MAU2: variants seen among roughly 807,000 people sequenced by gnomAD.
MAU2 encodes MAU2 sister chromatid cohesion factor, also known as MAU2 chromatid cohesion factor homolog.
In MAU2, 9 loss-of-function variants were observed where a neutral mutation model predicts 89.1. The observed-to-expected ratio is 0.10, with a 90% CI of 0.06 to 0.18. MAU2 has a LOEUF of 0.18. Among genes scored for constraint, MAU2 ranks in the 10% least tolerant of loss-of-function variants. MAU2 has a pLI of 1.00. For missense variants in MAU2, 425 were observed against 803.5 expected (o/e 0.53, Z 5.69); for synonymous variants, 357 against 343.4 (o/e 1.04, Z -0.44).
At chr19:19,341,138 C>A in intron 6 of MAU2, 114 bp from the exon 7 acceptor site, 1 of 1,309,482 alleles carries the variant, frequency 7.6e-7, no homozygotes, top group Non-Finnish European at 1.0e-6. Flanking sequence ...CTGGCCTTGC[C>A]CTCTGGATTG....
Position 19,324,081 on chromosome 19 carries a change from G to A in MAU2, c.276+2946G>A, listed in dbSNP as rs149372882. 3.9e-5 allele frequency among the ~76,000 whole-genome samples: 6 copies of A among 152,304 alleles called. No individual in the cohort carries two copies. The East Asian group carries it at 7.7e-4, about 20-fold the overall frequency. On this transcript the variant is annotated intron_variant, in intron 1 of 18. Coordinates refer to ENST00000262815, the MANE Select transcript of MAU2 (RefSeq NM_015329.4). ...AATGGCTAAAACAGTTTCTGCCCACGTAAGCCTAGGTTTTCATGAGGAAGA... is the reference window on the plus strand; with the variant it reads ...AATGGCTAAAACAGTTTCTGCCCACATAAGCCTAGGTTTTCATGAGGAAGA...
At chr19:19,344,731 C>G in intron 10 of MAU2, 118 bp from the exon 11 acceptor site, 1 of 759,742 alleles carries the variant, frequency 1.3e-6, no homozygotes, top group South Asian at 1.5e-5. Context: ...GGCTTTGTAC[C>G]CCAGTTTGGT....
intron 1 of MAU2, among the ~76,000 whole-genome samples, chr19:19,322,174 T>C (rs1426431414): frequency 6.6e-6 from 1 of 152,050 alleles, no homozygotes; most frequent in Non-Finnish European, 1.5e-5. Flanking sequence ...ATTTTTTGTA[T>C]TTTTTAGTAG....
chr19:19,354,346 G>C lies in MAU2; in HGVS notation c.1549-9G>C, dbSNP rs750090901. On this transcript the variant is annotated splice_polypyrimidine_tract_variant and intron_variant, in intron 16 of 18. Coordinates refer to ENST00000262815, the MANE Select transcript of MAU2 (RefSeq NM_015329.4). ...CTCCTCACTCCCCCTTGCTGCTCTT[G>C]GTTGACAGGAGAGTAACAACATGGT... is the stretch of plus-strand genomic sequence containing the variant. 1 of 1,612,150 alleles carries C rather than the reference G, an allele frequency of 6.2e-7. No homozygotes were observed. Among genetic ancestry groups the C allele is most frequent in the Non-Finnish European group, 8.5e-7 (1 of 1,178,316 alleles).
intron 1 of MAU2, chr19:19,334,099 C>A: frequency 2.2e-6 from 2 of 909,038 alleles, no homozygotes; most frequent in Non-Finnish European, 1.3e-6. Flanking sequence ...TGGGATGCAG[C>A]AGCTTCTGTG....
intron 4 of MAU2, among the ~76,000 whole-genome samples, 167 bp downstream of exon 4, chr19:19,337,432 C>T (rs1305575165): frequency 1.3e-5 from 2 of 152,238 alleles, no homozygotes; most frequent in Non-Finnish European, 2.9e-5. Context: ...GCACACAAGC[C>T]CCTTTCAGCC....
chr19:19,349,900 T>C (rs2061727953), intron 16 of MAU2, among the ~76,000 whole-genome samples: 1 of 151,810 alleles, frequency 6.6e-6, no homozygotes, highest in Non-Finnish European at 1.5e-5. Flanking sequence ...AGCCAGTCTC[T>C]GGTGGGACTG....
intron 16 of MAU2, among the ~76,000 whole-genome samples, chr19:19,350,696 C>T (rs531621087): frequency 2.0e-4 from 31 of 151,314 alleles, no homozygotes; most frequent in Admixed American, 5.3e-4. Flanking sequence ...GTCAGGAGAT[C>T]GAGACCATCC....
chr19:19,349,556 C>G, intron 16 of MAU2, 120 bp downstream of exon 16: 1 of 836,372 alleles, frequency 1.2e-6, no homozygotes, highest in Non-Finnish European at 1.9e-6. Flanking sequence ...TCGAAGAGCA[C>G]GTCTAGGTGG....
chr19:19,332,828 G>A (rs1206753434), intron 1 of MAU2, among the ~76,000 whole-genome samples: 1 of 152,202 alleles, frequency 6.6e-6, no homozygotes, highest in Non-Finnish European at 1.5e-5. Flanking sequence ...TGTAATCCCA[G>A]CACTTCGGGA....
intron 1 of MAU2, among the ~76,000 whole-genome samples, chr19:19,329,826 C>T (rs2061540425): frequency 6.6e-6 from 1 of 151,612 alleles, no homozygotes; most frequent in South Asian, 2.1e-4. Context: ...ATTAGCCACA[C>T]ATGCCTATAG....
chr19:19,342,751 C>A (rs2301669), intron 8 of MAU2, 25 bp from the exon 9 acceptor site: 1,020,406 of 1,613,496 alleles, frequency 0.63, 327,421 homozygotes, highest in East Asian at 0.7. Context: ...CCCTGGTAAC[C>A]CCTGCTGTCT....
chr19:19,340,042 G>A (rs954147334), intron 5 of MAU2, among the ~76,000 whole-genome samples: 1 of 152,064 alleles, frequency 6.6e-6, no homozygotes, highest in Non-Finnish European at 1.5e-5. Context: ...GCGGGCGCCT[G>A]TAGTCCCAGC....
chr19:19,337,124 G>GTTTTTTTTTTTT, intron 3 of MAU2, 46 bp from the exon 4 acceptor site: 2 of 1,161,260 alleles, frequency 1.7e-6, no homozygotes, highest in South Asian at 1.4e-5. Flanking sequence ...TTGCCGCCTT[G>GTTTTTTTTTTTT]TTTTTTTTTT....
Position 19,333,432 on chromosome 19 carries a change from G to T in MAU2, c.277-2286G>T, listed in dbSNP as rs142065398. ...GCCCAGGAGGTCAAGGCTGCAGTGA[G>T]CTCTGATTGTACTGCTGCACTCCAG... On this transcript the variant is annotated intron_variant, in intron 1 of 18. Coordinates refer to ENST00000262815, the MANE Select transcript of MAU2 (RefSeq NM_015329.4). Among the ~76,000 whole-genome samples the T allele has an allele frequency of 7.9e-5, 12 of 152,302 alleles. No homozygotes were observed. The East Asian group carries it at 2.3e-3, about 29-fold the overall frequency.
At chr19:19,344,622 C>T in intron 10 of MAU2, 2 of 586,512 alleles carry the variant, frequency 3.4e-6, no homozygotes, top group Admixed American at 2.9e-5. Context: ...AACCCAGACA[C>T]CTGTTGGACA....
At chr19:19,354,522 G>A in intron 17 of MAU2, 77 bp downstream of exon 17, 2 of 1,338,296 alleles carry the variant, frequency 1.5e-6, no homozygotes, top group Admixed American at 3.5e-5. Flanking sequence ...GGCATGTCCT[G>A]CTCAGCCTTA....
chr19:19,351,483 A>G (rs1568667702), intron 16 of MAU2, among the ~76,000 whole-genome samples: 1 of 60 alleles, frequency 0.017, no homozygotes, highest in Non-Finnish European at 0.036. Context: ...CAGCCTGACC[A>G]ACATAGTAGA....
intron 12 of MAU2, among the ~76,000 whole-genome samples, chr19:19,346,292 G>A (rs1248589080): frequency 2.0e-5 from 3 of 152,032 alleles, no homozygotes; most frequent in South Asian, 4.1e-4. Context: ...GACCCTCCTC[G>A]TGGCCCTGCC....
Sources: gnomAD v4.1 joint callset for allele counts (sites outside exome capture counted in the v4.1 genomes callset) on GRCh38, gnomAD v4.1.1 for gene constraint, MANE v1.5 for transcripts, NCBI Gene and HGNC (gene_info 2026-07-23, HGNC 2026-07-21) for gene names.